The following PSME4 variants were observed in gnomAD, a reference collection of about 807,000 sequenced individuals.
PSME4 encodes the protein proteasome activator subunit 4, also known as proteasome activator complex subunit 4.
In PSME4, 89 loss-of-function variants were observed where a neutral mutation model predicts 253.9. That is an observed-to-expected ratio of 0.35 (90% confidence interval 0.30 to 0.42). The LOEUF (loss-of-function observed/expected upper bound fraction) is 0.42. Ranked by LOEUF, PSME4 falls within the 10% of genes least tolerant of loss-of-function variation. The pLI, the probability that PSME4 is intolerant of heterozygous loss-of-function variation, is 1.00. For missense variants in PSME4, 2,014 were observed against 2,195.2 expected, an observed-to-expected ratio of 0.92 and a Z score of 1.65; for synonymous variants, 851 against 759.2, an observed-to-expected ratio of 1.12 and a Z score of -1.99.
At chr2:53,952,959 G>A (rs1670065845) in intron 1 of PSME4, among the ~76,000 whole-genome samples, 1 of 152,188 alleles carries the variant, frequency 6.6e-6, no homozygotes, top group African/African-American at 2.4e-5. Flanking sequence ...GCAGTAGACA[G>A]ACAACTGTAT....
intron 43 of PSME4, 64 bp from the exon 44 acceptor site, chr2:53,869,602 G>A: frequency 7.6e-7 from 1 of 1,312,100 alleles, no homozygotes; most frequent in South Asian, 2.2e-5. Flanking sequence ...TGGAGGATAG[G>A]GGGTAGTGTG....
chr2:53,964,699 C>G (rs1670635415), intron 1 of PSME4, among the ~76,000 whole-genome samples: 1 of 152,228 alleles, frequency 6.6e-6, no homozygotes, highest in Admixed American at 6.5e-5. Flanking sequence ...CATTTCCTTT[C>G]TTTCCCAACA....
chr2:53,872,879 A>G (rs1678950317), intron 43 of PSME4, among the ~76,000 whole-genome samples: 1 of 143,998 alleles, frequency 6.9e-6, no homozygotes, highest in African/African-American at 2.5e-5. Flanking sequence ...GTTAGTTTTT[A>G]AAGAATAATA....
chr2:53,925,768 A>G (rs1165863330), intron 13 of PSME4, 79 bp from the exon 14 acceptor site: 2 of 1,398,370 alleles, frequency 1.4e-6, no homozygotes, highest in African/African-American at 2.9e-5. Flanking sequence ...GTAACTCTCT[A>G]TTGTCCTAAT....
chr2:53,936,045 C>A, intron 7 of PSME4, 42 bp downstream of exon 7: 1 of 1,582,046 alleles, frequency 6.3e-7, no homozygotes, highest in Non-Finnish European at 8.6e-7. Context: ...AGGCGCCTAC[C>A]ACCCCATGCC....
intron 1 of PSME4, among the ~76,000 whole-genome samples, chr2:53,950,702 G>A (rs983727995): frequency 1.3e-5 from 2 of 151,932 alleles, no homozygotes; most frequent in African/African-American, 4.8e-5. Flanking sequence ...TTAGCCAGGC[G>A]TGGTGGCACA....
At chr2:53,944,615 G>T (rs947312652) in intron 3 of PSME4, among the ~76,000 whole-genome samples, 2 of 152,106 alleles carry the variant, frequency 1.3e-5, no homozygotes, top group African/African-American at 4.8e-5. Flanking sequence ...AGTTTTAGGA[G>T]AAATTTTTCT....
At chr2:53,916,685 A>G (rs562833525) in intron 20 of PSME4, among the ~76,000 whole-genome samples, 1 of 152,340 alleles carries the variant, frequency 6.6e-6, no homozygotes, top group South Asian at 2.1e-4. Context: ...TAAAATAAGC[A>G]TTTTAGAAAT....
At chr2:53,883,036 GAA>G in intron 41 of PSME4, among the ~76,000 whole-genome samples, 1 of 151,834 alleles carries the variant, frequency 6.6e-6, no homozygotes, top group Non-Finnish European at 1.5e-5. Flanking sequence ...ATAATTTTAA[GAA>G]AAAAAGATAC....
intron 20 of PSME4, among the ~76,000 whole-genome samples, chr2:53,918,873 T>C (rs995327032): frequency 2.0e-5 from 3 of 152,192 alleles, no homozygotes; most frequent in Non-Finnish European, 2.9e-5. Context: ...TTATCTTAAT[T>C]AACTCAGTAA....
chr2:53,912,839 T>C (rs1187826708), intron 20 of PSME4, among the ~76,000 whole-genome samples: 1 of 152,196 alleles, frequency 6.6e-6, no homozygotes, highest in Non-Finnish European at 1.5e-5. Context: ...CATGACTGTA[T>C]CTCTTTGTGA....
intron 34 of PSME4, among the ~76,000 whole-genome samples, 189 bp from the exon 35 acceptor site, chr2:53,893,988 G>A (rs1263364868): frequency 1.3e-5 from 2 of 152,108 alleles, no homozygotes; most frequent in African/African-American, 2.4e-5. Flanking sequence ...TGCTAAAACA[G>A]GAAGTTTTCC....
rs199929436 is a variant in PSME4, at chr2:53,923,913, C to CAAAA, written c.1810-498_1810-495dup. On this transcript the variant is annotated intron_variant, in intron 14 of 46. Coordinates refer to ENST00000404125, the MANE Select transcript of PSME4 (RefSeq NM_014614.3). ...ACTCCAGCCCAGGTGACAGAGTTAA[C>CAAAA]AAAAAAAAAAAAAAAAAAAAAAAAA... Among the ~76,000 whole-genome samples, 160 of 96,838 alleles carry CAAAA rather than the reference C, an allele frequency of 1.7e-3. 4 individuals carry two copies. The highest frequency in any genetic ancestry group is 3.3e-3 in the East Asian group (13 of 3,944). The allele number at this position is 96,838 out of a possible 152,430, so 63.5% of individuals were successfully genotyped here. A position where few individuals can be genotyped will look rare whatever the true frequency, so the allele number is the denominator to read the frequency against.
chr2:53,936,158 G>C lies in PSME4; in HGVS notation c.763C>G (p.Leu255Val). The C allele has an allele frequency of 6.2e-7, 1 of 1,613,250 alleles. No homozygotes were observed. The highest frequency in any genetic ancestry group is 8.5e-7 in the Non-Finnish European group (1 of 1,179,530). ...GCCAATCGAGCAAAGAGATTTACTA[G>C]TTGCTGAAAGTAAACAAAAAGGACA... ...VQNLPQWEGQ[L>V]VNLFARLATD... The change falls in exon 7 of 47, where the codon CTA becomes GTA. Residue 255 changes from leucine (L) to valine (V), a missense_variant. Physicochemically the swap from Leu to Val is conservative, Grantham distance 32 (BLOSUM62 1). This residue lies in a region of PSME4 where 615 missense variants were observed against 594.4 expected (regional missense o/e 1.03). Coordinates refer to ENST00000404125, the MANE Select transcript of PSME4 (RefSeq NM_014614.3).
chr2:53,873,018 A>C (rs901056070), intron 43 of PSME4, among the ~76,000 whole-genome samples: 12 of 151,998 alleles, frequency 7.9e-5, no homozygotes, highest in Non-Finnish European at 1.3e-4. Flanking sequence ...AGACAGGCAG[A>C]TCACGAGGTC....
In PSME4 at chr2:53,878,345, C is replaced by T. The variant is rs575220096; in HGVS notation, c.4816-2590G>A. 1.2e-4 allele frequency among the ~76,000 whole-genome samples: 19 copies of T among 152,266 alleles called. No homozygotes were observed. In the South Asian group the frequency reaches 3.3e-3, roughly 27 times the overall value. On this transcript the variant is annotated intron_variant, in intron 41 of 46. Transcript: ENST00000404125. Reference sequence around the variant, plus strand: ...CTCTTAATCCCATCATCTTCATAAGCTGAGGATGAATGTCGCCTCAGGACC... The same window carrying T: ...CTCTTAATCCCATCATCTTCATAAGTTGAGGATGAATGTCGCCTCAGGACC...
At chr2:53,925,489 C>G in intron 14 of PSME4, 50 bp downstream of exon 14, 3 of 1,432,704 alleles carry the variant, frequency 2.1e-6, no homozygotes, top group African/African-American at 1.4e-5. Context: ...TTTAAAACAT[C>G]AAATGAAACT....
chr2:53,921,826 C>G (rs1286768891), intron 17 of PSME4, among the ~76,000 whole-genome samples: 1 of 130,830 alleles, frequency 7.6e-6, no homozygotes, highest in Admixed American at 8.1e-5. Context: ...CGAGATCGTG[C>G]CACTGCACTC....
chr2:53,896,839 G>C lies in PSME4; in HGVS notation c.3653C>G (p.Thr1218Ser), dbSNP rs755960499. 12 of 1,612,176 alleles carry C rather than the reference G, an allele frequency of 7.4e-6. No individual in the cohort carries two copies. The South Asian group carries it at 1.3e-4, about 18-fold the overall frequency. ...GGGGTTAATGGTCAGCTTTTTGTGG[G>C]TTCTTTTTAGCTGTTTAAGGATACC... ...VAGILKQLKR[T>S]HKKLTINPCE... is the part of the protein sequence containing the mutation. Residue 1218 changes from threonine (T) to serine (S), a missense_variant, in exon 32 of 47, where the codon ACC becomes AGC. Thr to Ser is a moderately conservative substitution (Grantham distance 58, BLOSUM62 1). Around this residue, in one of 4 missense-constraint regions of PSME4, gnomAD observed 989 missense variants for 1,021.1 expected, o/e 0.97. Transcript: ENST00000404125.
Sources: gnomAD v4.1 joint callset for allele counts (sites outside exome capture counted in the v4.1 genomes callset) on GRCh38, gnomAD v4.1.1 for gene constraint, gnomAD v4.1.1 regional missense constraint, MANE v1.5 for transcripts, NCBI Gene and HGNC (gene_info 2026-07-23, HGNC 2026-07-21) for gene names.